Variants in ACACB observed in about 807,000 individuals in gnomAD.
ACACB encodes acetyl-CoA carboxylase beta.
In ACACB, 209 loss-of-function variants were observed where a neutral mutation model predicts 278.8. The ratio of observed to expected loss-of-function variants is 0.75; its 90% CI spans 0.67 to 0.84. ACACB has a LOEUF of 0.84. Among genes scored for constraint, ACACB ranks in the 40% least tolerant of loss-of-function variants. The pLI, the probability that ACACB is intolerant of heterozygous loss-of-function variation, is 0.00. For synonymous variants in ACACB, 1,174 were observed against 1,285.6 expected (o/e 0.91, Z 1.86); for missense variants, 2,850 against 3,269.0 (o/e 0.87, Z 3.13).
chr12:109,215,326 A>G (rs2045962762), intron 22 of ACACB, among the ~76,000 whole-genome samples: 1 of 151,754 alleles, frequency 6.6e-6, no homozygotes. Flanking sequence ...CCTCCCAAGT[A>G]TAAGGCTTGG....
At chr12:109,254,086 C>G (rs2047163370) in intron 43 of ACACB, 128 bp from the exon 44 acceptor site, 1 of 1,138,478 alleles carries the variant, frequency 8.8e-7, no homozygotes. Context: ...GCAGTGGCTT[C>G]AGGAGCCCTA....
chr12:109,112,277 GTATA>G (rs369589020), upstream of ACACB, among the ~76,000 whole-genome samples: 22 of 146,538 alleles, frequency 1.5e-4, no homozygotes, highest in East Asian at 3.5e-3. Flanking sequence ...ATATATGTAT[GTATA>G]TATGTATATA....
At chr12:109,259,891 C>T (rs2047333913) in intron 47 of ACACB, among the ~76,000 whole-genome samples, 1 of 152,208 alleles carries the variant, frequency 6.6e-6, no homozygotes, top group Admixed American at 6.5e-5. Context: ...GACAGACCTG[C>T]TGTGAGTCCT....
chr12:109,153,364 T>G lies in ACACB; in HGVS notation c.653+13306T>G, dbSNP rs143363912. On this transcript the variant is annotated intron_variant, in intron 2 of 52. Coordinates refer to ENST00000338432, the MANE Select transcript of ACACB (RefSeq NM_001093.4). ...GTAAAATTTTGTTACATGCATAGAA[T>G]GCATAATGATTGTAGGGACCAAGGG... Among the ~76,000 whole-genome samples the G allele has an allele frequency of 1.6e-3, 242 of 152,342 alleles. 2 individuals carry two copies. In the South Asian group the frequency reaches 0.029, roughly 19 times the overall value.
chr12:109,161,223 A>T lies in ACACB; in HGVS notation c.654-5638A>T, dbSNP rs146332028. Among the ~76,000 whole-genome samples the T allele has an allele frequency of 2.5e-3, 381 of 152,286 alleles. 2 individuals are homozygous for T. The highest frequency in any genetic ancestry group is 8.9e-3 in the African/African-American group (368 of 41,560). On this transcript the variant is annotated intron_variant, in intron 2 of 52. Transcript: ENST00000338432. ...TTCGCTTTTCATTGGGAGGATCTTA[A>T]CATGATTGGTTGAAAACAATAAATA...
chr12:109,215,491 C>T (rs1417400441), intron 22 of ACACB, among the ~76,000 whole-genome samples: 2 of 151,990 alleles, frequency 1.3e-5, no homozygotes, highest in East Asian at 1.9e-4. Flanking sequence ...TGGCTGGGCG[C>T]GGTGGCTCAT....
chr12:109,179,045 T>C (rs1245750688), intron 9 of ACACB, 43 bp from the exon 10 acceptor site: 1 of 1,579,302 alleles, frequency 6.3e-7, no homozygotes, highest in South Asian at 1.1e-5. Flanking sequence ...CTTCCAGAGC[T>C]GGTTTCCCCA....
rs1593700885 is a variant in ACACB, at chr12:109,249,266, A to G, written c.5670-718A>G. On this transcript the variant is annotated intron_variant, in intron 40 of 52. Transcript: ENST00000338432. Reference sequence around the variant, plus strand: ...AAGGCGCAGGCAGGGGAAGTCAGTTATGTATTCTTCCTGCGCTCAGTAAGT... The same window carrying G: ...AAGGCGCAGGCAGGGGAAGTCAGTTGTGTATTCTTCCTGCGCTCAGTAAGT... 3.9e-5 allele frequency: 6 copies of G among 152,302 alleles called. 1 individual carries two copies. The highest frequency in any genetic ancestry group is 3.9e-4 in the Admixed American group (6 of 15,296). 9.4% of individuals were successfully genotyped at this position (152,302 alleles called of 1,614,324 possible). A position where few individuals can be genotyped will look rare whatever the true frequency, so the allele number is the denominator to read the frequency against.
chr12:109,224,037 G>A (rs1373533302), intron 27 of ACACB, 133 bp downstream of exon 27: 5 of 792,786 alleles, frequency 6.3e-6, no homozygotes, highest in Non-Finnish European at 1.1e-5. Context: ...AGGTAGCTAT[G>A]TTAATAGTCC....
intron 28 of ACACB, among the ~76,000 whole-genome samples, chr12:109,232,451 C>T (rs1237052773): frequency 6.6e-6 from 1 of 152,188 alleles, no homozygotes; most frequent in Non-Finnish European, 1.5e-5. Flanking sequence ...GATTCCTACA[C>T]TTGTTGAGCT....
intron 49 of ACACB, chr12:109,263,282 T>G (rs1032256108): frequency 1.3e-5 from 2 of 152,188 alleles, no homozygotes; most frequent in Non-Finnish European, 2.9e-5. Context: ...GTTCAAGCGA[T>G]TCTCATGCCT....
chr12:109,145,304 A>T (rs925106356), intron 2 of ACACB, among the ~76,000 whole-genome samples: 12 of 152,246 alleles, frequency 7.9e-5, no homozygotes, highest in African/African-American at 2.9e-4. Context: ...ATATATTAAA[A>T]TTTTGTTTTA....
At chr12:109,132,431 C>T (rs1033817439) in intron 1 of ACACB, among the ~76,000 whole-genome samples, 1 of 152,148 alleles carries the variant, frequency 6.6e-6, no homozygotes, top group Non-Finnish European at 1.5e-5. Context: ...TCCCAAAGTG[C>T]TGGGATTACA....
At position 109,166,916 on chromosome 12, in the gene ACACB, G is replaced by C; in HGVS notation, c.709G>C (p.Asp237His). ...GAGGGGACGGGAACACAAGAAGCTG[G>C]ACCTGCACAGAGACTTTACCGTGGC... ...VKRGREHKKL[D>H]LHRDFTVASP... The change falls in exon 3 of 53, where the codon GAC becomes CAC. Residue 237 changes from aspartate (D) to histidine (H), a missense_variant. Physicochemically the swap from Asp to His is moderately conservative, Grantham distance 81. Transcript: ENST00000338432. 6.2e-7 allele frequency: 1 copy of C among 1,614,064 alleles called. No homozygotes were observed. Among genetic ancestry groups the C allele is most frequent in the Non-Finnish European group, 8.5e-7 (1 of 1,180,036 alleles).
At chr12:109,142,653 G>A (rs1254163886) in intron 2 of ACACB, among the ~76,000 whole-genome samples, 1 of 152,154 alleles carries the variant, frequency 6.6e-6, no homozygotes. Flanking sequence ...AGCAACCTCT[G>A]CCTCCCGGGT....
At chr12:109,155,610 T>C (rs1161211255) in intron 2 of ACACB, among the ~76,000 whole-genome samples, 4 of 151,990 alleles carry the variant, frequency 2.6e-5, no homozygotes, top group Admixed American at 2.6e-4. Flanking sequence ...GGTGCAGATA[T>C]GTTTTAATTT....
chr12:109,251,988 T>C (rs2047107199), intron 41 of ACACB, 58 bp from the exon 42 acceptor site: 1 of 1,344,124 alleles, frequency 7.4e-7, no homozygotes, highest in South Asian at 1.3e-5. Context: ...TCTTCCCTGC[T>C]GTGGGGGGTG....
At chr12:109,144,750 CTTTCTTT>C (rs2043199773) in intron 2 of ACACB, among the ~76,000 whole-genome samples, 1 of 86,782 alleles carries the variant, frequency 1.2e-5, no homozygotes. Flanking sequence ...TTCTTTCTTT[CTTTCTTT>C]TTTTTTTTTT....
intron 34 of ACACB, among the ~76,000 whole-genome samples, chr12:109,237,750 G>T (rs2046672736): frequency 6.6e-6 from 1 of 152,156 alleles, no homozygotes; most frequent in African/African-American, 2.4e-5. Flanking sequence ...AGTGACCCAT[G>T]CCTGTAATCC....
Sources: gnomAD v4.1 joint callset for allele counts (sites outside exome capture counted in the v4.1 genomes callset) on GRCh38, gnomAD v4.1.1 for gene constraint, MANE v1.5 for transcripts, NCBI Gene and HGNC (gene_info 2026-07-23, HGNC 2026-07-21) for gene names.